Variants in LSM4 observed in about 807,000 individuals in gnomAD.
The protein encoded by LSM4 is U6 snRNA-associated Sm-like protein LSm4.
A neutral mutation model predicts 22.3 loss-of-function variants in LSM4; 15 were observed. The observed-to-expected ratio is 0.67, with a 90% CI of 0.45 to 1.03. The LOEUF (loss-of-function observed/expected upper bound fraction) is 1.03. Ranked by LOEUF, LSM4 falls within the 50% of genes least tolerant of loss-of-function variation. LSM4 has a pLI of 0.00. For synonymous variants in LSM4, 90 were observed against 79.8 expected, an observed-to-expected ratio of 1.13 and a Z score of -0.68; for missense variants, 127 against 198.0, an observed-to-expected ratio of 0.64 and a Z score of 2.15.
chr19:18,321,488 T>G (rs563173057), intron 1 of LSM4, among the ~76,000 whole-genome samples: 26 of 152,340 alleles, frequency 1.7e-4, no homozygotes, highest in Admixed American at 5.2e-4. Flanking sequence ...AAACTAACCT[T>G]GGGAAGGGAT....
chr19:18,317,318 C>A (rs1049656166), intron 1 of LSM4, among the ~76,000 whole-genome samples: 2 of 148,538 alleles, frequency 1.3e-5, no homozygotes, highest in Admixed American at 1.4e-4. Flanking sequence ...CATCACCCCC[C>A]GCCTGAACTG....
At chr19:18,319,690 C>A (rs1484100256) in intron 1 of LSM4, among the ~76,000 whole-genome samples, 1 of 152,218 alleles carries the variant, frequency 6.6e-6, no homozygotes, top group East Asian at 1.9e-4. Flanking sequence ...CCCATTCCTG[C>A]CACCTGACCT....
intron 4 of LSM4, among the ~76,000 whole-genome samples, chr19:18,308,562 T>C (rs929049691): frequency 1.3e-5 from 2 of 152,104 alleles, no homozygotes; most frequent in African/African-American, 4.8e-5. Flanking sequence ...GCAGGCAGCA[T>C]AGCTCAGGCC....
At position 18,307,572 on chromosome 19, in the gene LSM4, G is replaced by A. The variant is rs772115102; in HGVS notation, c.329-17C>T. ...CAAACACACCTAGAGGACAGAGAGA[G>A]GGCGCTGCAGCAGAGCCAGGTGGGT... On this transcript the variant is annotated splice_polypyrimidine_tract_variant and intron_variant, in intron 4 of 4. Transcript: ENST00000593829. The A allele has an allele frequency of 1.3e-6, 2 of 1,484,236 alleles. No homozygotes were observed. Among genetic ancestry groups the A allele is most frequent in the Non-Finnish European group, 9.0e-7 (1 of 1,110,936 alleles). 91.9% of individuals were successfully genotyped at this position (1,484,236 alleles called of 1,614,324 possible). A position where few individuals can be genotyped will look rare whatever the true frequency, so the allele number is the denominator to read the frequency against.
At chr19:18,319,916 C>T (rs1272386183) in intron 1 of LSM4, among the ~76,000 whole-genome samples, 1 of 152,204 alleles carries the variant, frequency 6.6e-6, no homozygotes, top group African/African-American at 2.4e-5. Flanking sequence ...GGGCCAAGCA[C>T]AAGGCCAGGC....
At chr19:18,309,374 A>G (rs1970271039) in intron 4 of LSM4, 2 of 409,908 alleles carry the variant, frequency 4.9e-6, no homozygotes, top group Admixed American at 4.4e-5. Context: ...CCAGGTTCCA[A>G]GTGGAGTTGC....
In LSM4 at chr19:18,323,046, G is replaced by A. The variant is rs763915100; in HGVS notation, c.-26C>T. On this transcript the variant is annotated 5_prime_UTR_variant, in exon 1 of 5. Transcript: ENST00000593829. Reference sequence around the variant, plus strand: ...GGTGCCGGCGGGGACCGGGCTCGCCGGCCACTTCCGCCGCCGCCGCTGCAC... The same window carrying A: ...GGTGCCGGCGGGGACCGGGCTCGCCAGCCACTTCCGCCGCCGCCGCTGCAC... The A allele has an allele frequency of 4.6e-6, 7 of 1,533,954 alleles. No homozygotes were observed. Among genetic ancestry groups the A allele is most frequent in the African/African-American group, 4.3e-5 (3 of 69,480 alleles).
chr19:18,312,921 A>C (rs1361366615), intron 2 of LSM4, among the ~76,000 whole-genome samples: 1 of 152,204 alleles, frequency 6.6e-6, no homozygotes, highest in African/African-American at 2.4e-5. Flanking sequence ...ACCTTTGTGC[A>C]ATTAAAAAAT....
At chr19:18,314,285 C>G (rs1246245741) in intron 2 of LSM4, among the ~76,000 whole-genome samples, 3 of 151,792 alleles carry the variant, frequency 2.0e-5, no homozygotes, top group Admixed American at 6.6e-5. Flanking sequence ...CTTTGGGAGG[C>G]CGAGGCGGGC....
At chr19:18,315,983 C>A in intron 2 of LSM4, 41 bp downstream of exon 2, 1 of 1,602,660 alleles carries the variant, frequency 6.2e-7, no homozygotes, top group Admixed American at 1.7e-5. Context: ...CTGAGGCTGG[C>A]CCCCTCTCAA....
At position 18,315,803 on chromosome 19, in the gene LSM4, C is replaced by T. The variant is rs551980340; in HGVS notation, c.45+221G>A. On this transcript the variant is annotated intron_variant, in intron 2 of 4. Coordinates refer to ENST00000593829, the MANE Select transcript of LSM4 (RefSeq NM_012321.5). Reference sequence around the variant, plus strand: ...TCCCAAAGTGCTGGGATTACAGGCGCGAGCCACTGCAACTGGCCCATTAAA... The same window carrying T: ...TCCCAAAGTGCTGGGATTACAGGCGTGAGCCACTGCAACTGGCCCATTAAA... Among the ~76,000 whole-genome samples, 140 of 151,672 alleles carry T rather than the reference C, an allele frequency of 9.2e-4. 2 individuals carry two copies. In the South Asian group the frequency reaches 0.026, roughly 28 times the overall value.
At chr19:18,311,788 T>C (rs1249080482) in intron 3 of LSM4, among the ~76,000 whole-genome samples, 1 of 152,088 alleles carries the variant, frequency 6.6e-6, no homozygotes, top group African/African-American at 2.4e-5. Context: ...AGAGGCCCAG[T>C]CCCGGGTGGG....
At chr19:18,319,370 T>C (rs989880695) in intron 1 of LSM4, among the ~76,000 whole-genome samples, 2 of 152,154 alleles carry the variant, frequency 1.3e-5, no homozygotes, top group African/African-American at 4.8e-5. Context: ...GAGACCAGCC[T>C]GGCCAATATG....
Position 18,308,510 on chromosome 19 carries a change from TGTGGCC to T in LSM4, c.329-961_329-956del, listed in dbSNP as rs1970258730. 2.6e-5 allele frequency among the ~76,000 whole-genome samples: 4 copies of T among 152,360 alleles called. No homozygotes were observed. In the East Asian group the frequency reaches 7.7e-4, roughly 29 times the overall value. On this transcript the variant is annotated intron_variant, in intron 4 of 4. Coordinates refer to ENST00000593829, the MANE Select transcript of LSM4 (RefSeq NM_012321.5). ...CAAGGCCAGCAAGAGGAGCTGGCCC[TGTGGCC>T]CATGTGCTGGGTGCCAGGGGCCAGA...
Position 18,323,031 on chromosome 19 carries a change from G to A in LSM4, c.-11C>T, listed in dbSNP as rs1449123945. Reference sequence around the variant, plus strand: ...CCCTGCCCTCACCATGGTGCCGGCGGGGACCGGGCTCGCCGGCCACTTCCG... The same window carrying A: ...CCCTGCCCTCACCATGGTGCCGGCGAGGACCGGGCTCGCCGGCCACTTCCG... On this transcript the variant is annotated 5_prime_UTR_variant, in exon 1 of 5. Transcript: ENST00000593829. 3 of 1,555,048 alleles carry A rather than the reference G, an allele frequency of 1.9e-6. No homozygotes were observed. The highest frequency in any genetic ancestry group is 1.4e-5 in the African/African-American group (1 of 70,394).
intron 3 of LSM4, chr19:18,310,227 G>T: frequency 7.4e-6 from 2 of 271,206 alleles, no homozygotes; most frequent in Non-Finnish European, 1.4e-5. Context: ...GCAGCCCAAA[G>T]CCCAGAGCGG....
intron 1 of LSM4, 137 bp downstream of exon 1, chr19:18,322,881 C>G (rs1970440301): frequency 7.7e-7 from 1 of 1,305,468 alleles, no homozygotes; most frequent in African/African-American, 1.5e-5. Flanking sequence ...TTCCCAGCCT[C>G]GTGCCGGGGG....
chr19:18,319,813 C>T (rs1047416006), intron 1 of LSM4, among the ~76,000 whole-genome samples: 2 of 152,150 alleles, frequency 1.3e-5, no homozygotes, highest in Non-Finnish European at 2.9e-5. Flanking sequence ...TGTTTGTTTC[C>T]ATCATAGGAT....
intron 1 of LSM4, 22 bp from the exon 2 acceptor site, chr19:18,316,087 A>G (rs1970352595): frequency 6.2e-7 from 1 of 1,613,042 alleles, no homozygotes; most frequent in Non-Finnish European, 8.5e-7. Context: ...ATAAAGCCAC[A>G]TGATTTGTCT....
Sources: gnomAD v4.1 joint callset for allele counts (sites outside exome capture counted in the v4.1 genomes callset) on GRCh38, gnomAD v4.1.1 for gene constraint, MANE v1.5 for transcripts, NCBI Gene and HGNC (gene_info 2026-07-23, HGNC 2026-07-21) for gene names.